Variants in ERBB4 observed in about 807,000 individuals in gnomAD.
The protein encoded by ERBB4 is erb-b2 receptor tyrosine kinase 4, also known as receptor tyrosine-protein kinase erbB-4.
ERBB4 carries 42 observed loss-of-function variants against 158.0 expected under a neutral mutation model. The observed-to-expected ratio is 0.27, with a 90% CI of 0.21 to 0.34. The LOEUF is 0.34. ERBB4 is among the 10% of genes least tolerant of loss of function. The pLI, the probability that ERBB4 is intolerant of heterozygous loss-of-function variation, is 1.00. For missense variants in ERBB4, 1,333 were observed against 1,624.1 expected (o/e 0.82, Z 3.08); for synonymous variants, 583 against 558.7 (o/e 1.04, Z -0.61).
chr2:211,639,089 G>A (rs1318764346), intron 16 of ERBB4, among the ~76,000 whole-genome samples: 1 of 152,062 alleles, frequency 6.6e-6, no homozygotes, highest in Non-Finnish European at 1.5e-5. Flanking sequence ...GTCAGATGAA[G>A]TTTTGGTGCT....
At chr2:211,442,865 G>A (rs565624927) in intron 20 of ERBB4, among the ~76,000 whole-genome samples, 22 of 151,868 alleles carry the variant, frequency 1.4e-4, no homozygotes, top group Non-Finnish European at 3.1e-4. Context: ...GCTTGTTCAA[G>A]TCCGAAAAAT....
intron 4 of ERBB4, among the ~76,000 whole-genome samples, chr2:211,759,826 TG>T (rs2106236568): frequency 1.1e-5 from 1 of 87,306 alleles, no homozygotes; most frequent in Admixed American, 9.7e-5. Context: ...TGTGTGTGTG[TG>T]TGTGTGTGTG....
chr2:212,110,434 AG>A (rs1429187896), intron 2 of ERBB4, among the ~76,000 whole-genome samples: 3 of 152,182 alleles, frequency 2.0e-5, no homozygotes, highest in African/African-American at 7.2e-5. Flanking sequence ...TTCCTTAGGA[AG>A]GATGTCAGAT....
At chr2:211,688,827 A>T (rs1376136352) in intron 12 of ERBB4, among the ~76,000 whole-genome samples, 1 of 152,168 alleles carries the variant, frequency 6.6e-6, no homozygotes, top group Admixed American at 6.5e-5. Flanking sequence ...TTTAAAGATA[A>T]TCTGAAAGAA....
intron 20 of ERBB4, among the ~76,000 whole-genome samples, chr2:211,548,319 A>G (rs1319592129): frequency 6.6e-6 from 1 of 151,598 alleles, no homozygotes; most frequent in Non-Finnish European, 1.5e-5. Context: ...GAGAGGGAAA[A>G]CTATTGGTGG....
chr2:211,578,447 A>C (rs1053024976), intron 19 of ERBB4, among the ~76,000 whole-genome samples: 23 of 152,346 alleles, frequency 1.5e-4, no homozygotes, highest in South Asian at 4.1e-4. Flanking sequence ...GAATTAGAAG[A>C]AACTATTTTT....
intron 1 of ERBB4, among the ~76,000 whole-genome samples, chr2:212,385,728 T>C (rs537664501): frequency 6.6e-6 from 1 of 151,938 alleles, no homozygotes; most frequent in South Asian, 2.1e-4. Context: ...AAAAAACCTA[T>C]AATATTCATA....
Position 211,383,557 on chromosome 2 carries a change from AG to A in ERBB4, c.*57del, listed in dbSNP as rs1008338447. 5 of 1,417,748 alleles carry A rather than the reference AG, an allele frequency of 3.5e-6. No homozygotes were observed. The highest frequency in any genetic ancestry group is 1.7e-5 in the Admixed American group (1 of 59,480). 87.8% of individuals were successfully genotyped at this position (1,417,748 alleles called of 1,614,324 possible). ...AGAAGGAAGACCACCAGAGAAAGAG[AG>A]GGGGGTGGGGAAATTGGAGCAGGTG... On this transcript the variant is annotated 3_prime_UTR_variant, in exon 28 of 28. Coordinates refer to ENST00000342788, the MANE Select transcript of ERBB4 (RefSeq NM_005235.3).
At chr2:212,503,444 A>G (rs1691010694) in intron 1 of ERBB4, among the ~76,000 whole-genome samples, 1 of 152,204 alleles carries the variant, frequency 6.6e-6, no homozygotes, top group Non-Finnish European at 1.5e-5. Context: ...TAACATAAAG[A>G]CAGAAAATCC....
chr2:211,599,730 C>T (rs2068744056), intron 19 of ERBB4, among the ~76,000 whole-genome samples: 1 of 152,068 alleles, frequency 6.6e-6, no homozygotes. Context: ...TATCCTTAGC[C>T]AAATTAGATT....
At chr2:212,242,055 T>G (rs556478779) in intron 1 of ERBB4, among the ~76,000 whole-genome samples, 62 of 152,114 alleles carry the variant, frequency 4.1e-4, no homozygotes, top group Middle Eastern at 8.1e-3. Flanking sequence ...GATTAAAATA[T>G]GAATAATCAT....
rs542042785 is a variant in ERBB4 at position 212,484,945 on chromosome 2, C to T, written c.82+53504G>A. On this transcript the variant is annotated intron_variant, in intron 1 of 27. Coordinates refer to ENST00000342788, the MANE Select transcript of ERBB4 (RefSeq NM_005235.3). ...GAACATGACTCGTTGGACCAAATAA[C>T]CACATAGTGCTCCCTTTCTCTGGCC... Among the ~76,000 whole-genome samples the T allele has an allele frequency of 3.9e-5, 6 of 152,294 alleles. No homozygotes were observed. In the East Asian group the frequency reaches 1.2e-3, roughly 29 times the overall value.
chr2:211,971,585 G>A (rs879353887), intron 2 of ERBB4, among the ~76,000 whole-genome samples: 5 of 151,974 alleles, frequency 3.3e-5, no homozygotes, highest in African/African-American at 1.2e-4. Flanking sequence ...CCAAAATCTG[G>A]CAGAGACACA....
Position 211,624,037 on chromosome 2 carries a change from T to G in ERBB4, c.2087A>C (p.Glu696Ala), listed in dbSNP as rs747647671. Reference sequence around the variant, plus strand: ...TGCTGTGCCACTGGGAGTTAATGGTTCCACCAACTGCAAAGCGGAAAGAAG... The same window carrying G: ...TGCTGTGCCACTGGGAGTTAATGGTGCCACCAACTGCAAAGCGGAAAGAAG... ...LRRFLETELV[E>A]PLTPSGTAPN... is the part of the protein sequence containing the mutation. The change falls in exon 18 of 28, where the codon GAA (glutamate) becomes GCA (alanine). Residue 696 changes from glutamate (E) to alanine (A), a missense_variant. By Grantham distance (107) the Glu-to-Ala change is moderately radical. Coordinates refer to ENST00000342788, the MANE Select transcript of ERBB4 (RefSeq NM_005235.3). 35 of 1,613,974 alleles carry G rather than the reference T, an allele frequency of 2.2e-5. No individual in the cohort carries two copies. Among genetic ancestry groups the G allele is most frequent in the Admixed American group, 6.7e-5 (4 of 60,004 alleles).
chr2:211,719,988 T>TTTTTTTTTTTTTTGATGAGA (rs2074043155), intron 7 of ERBB4, among the ~76,000 whole-genome samples: 1 of 152,242 alleles, frequency 6.6e-6, no homozygotes, highest in African/African-American at 2.4e-5. Flanking sequence ...GCATAAACAT[T>TTTTTTTTTTTTTTGATGAGA]GTTTTTGATG....
intron 19 of ERBB4, among the ~76,000 whole-genome samples, chr2:211,607,856 T>C (rs1259663753): frequency 6.7e-6 from 1 of 149,124 alleles, no homozygotes; most frequent in African/African-American, 2.5e-5. Flanking sequence ...AAAAACTTTT[T>C]CGCATCAGAT....
chr2:212,262,914 C>A (rs1361610702), intron 1 of ERBB4, among the ~76,000 whole-genome samples: 4 of 152,108 alleles, frequency 2.6e-5, no homozygotes, highest in African/African-American at 9.7e-5. Flanking sequence ...CATTCATGTT[C>A]ATTTGCAGTT....
In ERBB4 at chr2:211,800,930, G is replaced by T. The variant is rs77078983; in HGVS notation, c.422-12771C>A. ...TCTATGCTTAGTGTTTGAAAGCTCT[G>T]CTTTAATGAATAGGGTAAAATGATT... On this transcript the variant is annotated intron_variant, in intron 3 of 27. Transcript: ENST00000342788. 6.2e-4 allele frequency among the ~76,000 whole-genome samples: 95 copies of T among 152,226 alleles called. 2 individuals are homozygous for T. In the South Asian group the frequency reaches 8.5e-3, roughly 14 times the overall value.
intron 1 of ERBB4, among the ~76,000 whole-genome samples, chr2:212,169,249 A>G (rs999279189): frequency 1.3e-5 from 2 of 152,142 alleles, no homozygotes; most frequent in Non-Finnish European, 2.9e-5. Flanking sequence ...TACATTCCTC[A>G]CAAAGAAGAA....
Sources: gnomAD v4.1 joint callset for allele counts (sites outside exome capture counted in the v4.1 genomes callset) on GRCh38, gnomAD v4.1.1 for gene constraint, MANE v1.5 for transcripts, NCBI Gene and HGNC (gene_info 2026-07-23, HGNC 2026-07-21) for gene names.